The following DLC1 variants were observed in gnomAD, a reference collection of about 807,000 sequenced individuals.
The protein encoded by DLC1 is rho GTPase-activating protein 7.
In DLC1, 54 loss-of-function variants were observed where a neutral mutation model predicts 140.3. That is an observed-to-expected ratio of 0.38 (90% CI 0.31 to 0.48). DLC1 has a LOEUF of 0.48. Among genes scored for constraint, DLC1 ranks in the 20% least tolerant of loss-of-function variants. The pLI, the probability that DLC1 is intolerant of heterozygous loss-of-function variation, is 0.96. For synonymous variants in DLC1, 986 were observed against 728.1 expected (o/e 1.35, Z -5.70); for missense variants, 2,536 against 1,907.0 (o/e 1.33, Z -6.14).
chr8:13,469,970 G>A (rs1229416997), intron 2 of DLC1, among the ~76,000 whole-genome samples: 1 of 152,118 alleles, frequency 6.6e-6, no homozygotes, highest in Admixed American at 6.5e-5. Context: ...AGCTTATTTT[G>A]TATAGAAAGT....
intron 4 of DLC1, among the ~76,000 whole-genome samples, chr8:13,380,317 C>G (rs1836194514): frequency 6.6e-6 from 1 of 152,152 alleles, no homozygotes; most frequent in African/African-American, 2.4e-5. Flanking sequence ...TTATTGTGTT[C>G]AAATTTATTT....
chr8:13,257,852 C>G (rs1177780021), intron 5 of DLC1, among the ~76,000 whole-genome samples: 1 of 152,188 alleles, frequency 6.6e-6, no homozygotes, highest in Non-Finnish European at 1.5e-5. Flanking sequence ...CTCTCTGTCT[C>G]ATAACATCTT....
intron 4 of DLC1, among the ~76,000 whole-genome samples, chr8:13,372,272 GC>G (rs1835764601): frequency 6.6e-6 from 1 of 152,086 alleles, no homozygotes; most frequent in South Asian, 2.1e-4. Context: ...AAAATCACGA[GC>G]CAAAGGTTCA....
chr8:13,479,615 G>A (rs1026680849), intron 2 of DLC1, among the ~76,000 whole-genome samples: 4 of 151,896 alleles, frequency 2.6e-5, no homozygotes, highest in African/African-American at 7.3e-5. Flanking sequence ...ACTCTAGGGA[G>A]GAAAAATATC....
At chr8:13,480,118 T>C (rs573749509) in intron 2 of DLC1, among the ~76,000 whole-genome samples, 1 of 152,124 alleles carries the variant, frequency 6.6e-6, no homozygotes, top group African/African-American at 2.4e-5. Flanking sequence ...GTGTGACATA[T>C]AGATCTTCTA....
intron 5 of DLC1, among the ~76,000 whole-genome samples, chr8:13,196,629 G>T (rs1827075991): frequency 6.6e-6 from 1 of 152,128 alleles, no homozygotes; most frequent in Admixed American, 6.5e-5. Context: ...AGGTCTTACA[G>T]TTCCTCTGAA....
At chr8:13,419,793 A>G (rs534130344) in intron 2 of DLC1, among the ~76,000 whole-genome samples, 1 of 152,190 alleles carries the variant, frequency 6.6e-6, no homozygotes, top group Non-Finnish European at 1.5e-5. Context: ...GAATGGTACC[A>G]GTTCCTCCTT....
At chr8:13,186,868 A>G (rs893757531) in intron 5 of DLC1, among the ~76,000 whole-genome samples, 2 of 152,176 alleles carry the variant, frequency 1.3e-5, no homozygotes, top group African/African-American at 2.4e-5. Context: ...TGTTGATGCT[A>G]TTCCTTTCTG....
At chr8:13,523,050 T>C (rs1042906175) in intron 1 of DLC1, among the ~76,000 whole-genome samples, 4 of 152,208 alleles carry the variant, frequency 2.6e-5, no homozygotes, top group African/African-American at 9.7e-5. Flanking sequence ...GTCTTGTAAG[T>C]AAGCAGTTTC....
chr8:13,318,962 T>A (rs1832974415), intron 4 of DLC1, among the ~76,000 whole-genome samples: 1 of 152,198 alleles, frequency 6.6e-6, no homozygotes, highest in African/African-American at 2.4e-5. Context: ...GTAATCTCTC[T>A]CCTGCAAAGA....
At chr8:13,564,435 C>T (rs1804357666) in intron 1 of DLC1, among the ~76,000 whole-genome samples, 1 of 152,148 alleles carries the variant, frequency 6.6e-6, no homozygotes, top group South Asian at 2.1e-4. Context: ...GAACCAAGCA[C>T]AGCGTTACTT....
chr8:13,297,117 T>G lies in DLC1; in HGVS notation c.1348+8152A>C, dbSNP rs927134626. On this transcript the variant is annotated intron_variant, in intron 5 of 17. Coordinates refer to ENST00000276297, the MANE Select transcript of DLC1 (RefSeq NM_182643.3). ...TTACTTATATTTTTCATGAATTCCT[T>G]GATACCTGAAAGCTAATGTGTTTTC... 6.6e-5 allele frequency among the ~76,000 whole-genome samples: 10 copies of G among 151,178 alleles called. No individual in the cohort carries two copies. In the East Asian group the frequency reaches 1.9e-3, roughly 29 times the overall value.
At chr8:13,136,959 GA>G (rs1822608720) in intron 5 of DLC1, among the ~76,000 whole-genome samples, 1 of 152,184 alleles carries the variant, frequency 6.6e-6, no homozygotes. Context: ...TACGAGGCTT[GA>G]ATAAAATAAT....
chr8:13,099,901 A>T lies in DLC1; in HGVS notation c.2436T>A (p.Asp812Glu). 1 of 1,614,040 alleles carries T rather than the reference A, an allele frequency of 6.2e-7. No homozygotes were observed. Among genetic ancestry groups the T allele is most frequent in the Non-Finnish European group, 8.5e-7 (1 of 1,180,028 alleles). The part of the protein sequence containing the change: ...PEDTVFYIPE[D>E]HKPGTFPKAL... ...CTTTGGGGAAAGTGCCAGGCTTGTG[A>T]TCTTCAGGGATGTAGAACACCGTGT... The change falls in exon 9 of 18, where the codon GAT (aspartate) becomes GAA (glutamate). Residue 812 changes from aspartate to glutamate, a missense_variant. Asp to Glu is a conservative substitution (Grantham distance 45). Transcript: ENST00000276297.
At chr8:13,531,362 G>A (rs1480988923) in intron 1 of DLC1, among the ~76,000 whole-genome samples, 2 of 152,138 alleles carry the variant, frequency 1.3e-5, no homozygotes, top group Non-Finnish European at 2.9e-5. Context: ...AAGGCGGGCG[G>A]ATCACCTGAA....
chr8:13,556,646 C>T (rs1335356752), intron 1 of DLC1, among the ~76,000 whole-genome samples: 3 of 152,080 alleles, frequency 2.0e-5, no homozygotes, highest in Non-Finnish European at 4.4e-5. Context: ...AGTAGTAGGG[C>T]CTGATACAGA....
At chr8:13,263,074 C>T (rs1042424592) in intron 5 of DLC1, among the ~76,000 whole-genome samples, 9 of 152,206 alleles carry the variant, frequency 5.9e-5, no homozygotes, top group African/African-American at 2.2e-4. Flanking sequence ...ATGCTTCCTC[C>T]ACTTGATAAT....
At chr8:13,345,453 G>T (rs1004369347) in intron 4 of DLC1, among the ~76,000 whole-genome samples, 3 of 150,300 alleles carry the variant, frequency 2.0e-5, no homozygotes, top group African/African-American at 7.3e-5. Flanking sequence ...CCAGGAGCCA[G>T]TTCATTTGGG....
chr8:13,470,419 A>C (rs569125781), intron 2 of DLC1, among the ~76,000 whole-genome samples: 2 of 88,516 alleles, frequency 2.3e-5, no homozygotes, highest in Non-Finnish European at 6.7e-5. Context: ...CAAAGAGCCA[A>C]ACCCCTCCTA....
Sources: allele counts gnomAD v4.1 joint callset (sites outside exome capture counted in the v4.1 genomes callset), GRCh38; gene constraint gnomAD v4.1.1; transcripts MANE v1.5; gene names NCBI Gene and HGNC (gene_info 2026-07-23, HGNC 2026-07-21).